Variants in FOXP2 observed in about 807,000 individuals in gnomAD.
FOXP2 encodes forkhead box protein P2.
A neutral mutation model predicts 115.8 loss-of-function variants in FOXP2; 12 were observed. The observed-to-expected ratio is 0.10, with a 90% CI of 0.07 to 0.17. FOXP2 has a LOEUF of 0.17. FOXP2 is among the 10% of genes least tolerant of loss of function. FOXP2 has a pLI of 1.00. For missense variants in FOXP2, 629 were observed against 843.5 expected (o/e 0.75, Z 3.15); for synonymous variants, 328 against 297.7 (o/e 1.10, Z -1.05).
intron 2 of FOXP2, among the ~76,000 whole-genome samples, chr7:114,322,606 C>A (rs1014136425): frequency 2.0e-5 from 3 of 151,856 alleles, no homozygotes; most frequent in Admixed American, 6.6e-5. Flanking sequence ...TTCAATTTTG[C>A]AGACAAGGAA....
intron 3 of FOXP2, among the ~76,000 whole-genome samples, chr7:114,573,371 T>G (rs1801414988): frequency 6.6e-6 from 1 of 151,808 alleles, no homozygotes; most frequent in Non-Finnish European, 1.5e-5. Context: ...GTGATGGACA[T>G]GGTTCTGTTT....
intron 2 of FOXP2, among the ~76,000 whole-genome samples, chr7:114,456,358 GA>G (rs1347745319): frequency 1.3e-5 from 2 of 152,184 alleles, no homozygotes; most frequent in Non-Finnish European, 2.9e-5. Context: ...AAAACACTGA[GA>G]AAACCATGGT....
chr7:114,251,105 G>T lies in FOXP2; in HGVS notation c.-101-36914G>T, dbSNP rs553562987. Among the ~76,000 whole-genome samples the T allele has an allele frequency of 1.4e-3, 207 of 152,242 alleles. 1 individual carries two copies. Among genetic ancestry groups the T allele is most frequent in the African/African-American group, 4.7e-3 (197 of 41,524 alleles). On this transcript the variant is annotated intron_variant, in intron 1 of 17. Transcript: ENST00000634411. ...CAGATTTGTCAAAGATCAGTTGGTT[G>T]TAGATGTGTGGTATTATTTCTGAGG... is the stretch of plus-strand genomic sequence containing the variant.
chr7:114,293,904 C>A (rs193110364), intron 2 of FOXP2, among the ~76,000 whole-genome samples: 6 of 152,064 alleles, frequency 3.9e-5, no homozygotes, highest in Non-Finnish European at 7.4e-5. Context: ...TGGTTTTGTT[C>A]TAAACTGCTA....
intron 2 of FOXP2, among the ~76,000 whole-genome samples, chr7:114,462,366 CTT>C (rs1170387045): frequency 6.7e-4 from 60 of 89,280 alleles, no homozygotes; most frequent in South Asian, 9.9e-4. Context: ...AGCATAATAT[CTT>C]TTTTTTTTTT....
intron 1 of FOXP2, among the ~76,000 whole-genome samples, chr7:114,153,552 G>A (rs1792578931): frequency 6.6e-6 from 1 of 152,062 alleles, no homozygotes; most frequent in Non-Finnish European, 1.5e-5. Context: ...TCTAGCATTG[G>A]GGGGAATTAA....
upstream of FOXP2, among the ~76,000 whole-genome samples, chr7:114,410,546 T>G (rs1193917174): frequency 2.0e-5 from 3 of 152,156 alleles, no homozygotes; most frequent in East Asian, 1.9e-4. Flanking sequence ...ATAATATGCC[T>G]GGATGTAGTA....
At chr7:114,143,888 A>G (rs571662799) in intron 1 of FOXP2, among the ~76,000 whole-genome samples, 1 of 152,212 alleles carries the variant, frequency 6.6e-6, no homozygotes, top group African/African-American at 2.4e-5. Flanking sequence ...GTTCTACTTA[A>G]TAATTTTCAA....
chr7:114,487,832 C>T (rs932913134), intron 2 of FOXP2, among the ~76,000 whole-genome samples: 1 of 152,166 alleles, frequency 6.6e-6, no homozygotes, highest in Admixed American at 6.5e-5. Flanking sequence ...GCATATTGGT[C>T]AAAGCCGTTC....
At chr7:114,384,127 G>A (rs1447977785) in intron 2 of FOXP2, among the ~76,000 whole-genome samples, 1 of 151,982 alleles carries the variant, frequency 6.6e-6, no homozygotes, top group Middle Eastern at 3.2e-3. Context: ...GCTCGCCGAT[G>A]TAGCAGTCCT....
At chr7:114,455,029 A>G (rs1795245965) in intron 2 of FOXP2, among the ~76,000 whole-genome samples, 1 of 151,818 alleles carries the variant, frequency 6.6e-6, no homozygotes, top group Non-Finnish European at 1.5e-5. Context: ...TAAAAAAAAA[A>G]GAAAAAAAAA....
chr7:114,428,169 G>T (rs1262953346), intron 2 of FOXP2, among the ~76,000 whole-genome samples: 2 of 151,544 alleles, frequency 1.3e-5, no homozygotes, highest in Admixed American at 6.6e-5. Context: ...AAATCCAGTG[G>T]ATTGCGTTTA....
chr7:114,691,871 G>T lies in FOXP2; in HGVS notation c.*1945G>T. The T allele has an allele frequency of 1.1e-5, 5 of 452,164 alleles. No individual in the cohort carries two copies. The highest frequency in any genetic ancestry group is 7.8e-5 in the South Asian group (5 of 64,286). The allele number at this position is 452,164 out of a possible 1,614,324, so 28.0% of individuals were successfully genotyped here. A position where few individuals can be genotyped will look rare whatever the true frequency, so the allele number is the denominator to read the frequency against. On this transcript the variant is annotated 3_prime_UTR_variant, in exon 17 of 17. Transcript: ENST00000350908. Reference sequence around the variant, plus strand: ...ATCACACCAAATAAAAGGACATAACGGCTTTCAAAAGGGTTTTCCCACTTA... The same window carrying T: ...ATCACACCAAATAAAAGGACATAACTGCTTTCAAAAGGGTTTTCCCACTTA...
chr7:114,426,439 AT>A, intron 1 of FOXP2, 62 bp from the exon 2 acceptor site: 1 of 1,496,834 alleles, frequency 6.7e-7, no homozygotes, highest in Admixed American at 1.7e-5. Context: ...AGAGAGGGAC[AT>A]CTTGATAATG....
At chr7:114,391,263 C>T (rs1176676377) in intron 2 of FOXP2, among the ~76,000 whole-genome samples, 3 of 152,136 alleles carry the variant, frequency 2.0e-5, no homozygotes, top group Non-Finnish European at 4.4e-5. Flanking sequence ...TTCCATTTGG[C>T]GACATGCCCC....
chr7:114,442,753 T>C (rs76282219), intron 2 of FOXP2, among the ~76,000 whole-genome samples: 181 of 152,262 alleles, frequency 1.2e-3, no homozygotes, highest in African/African-American at 3.8e-3. Flanking sequence ...TCAGCAGCCA[T>C]GTCCAGCCAA....
At chr7:114,659,973 C>G (rs1435635731) in intron 13 of FOXP2, among the ~76,000 whole-genome samples, 1 of 152,158 alleles carries the variant, frequency 6.6e-6, no homozygotes, top group Non-Finnish European at 1.5e-5. Context: ...CACGATATTA[C>G]TTTTTCTCTT....
chr7:114,236,963 G>T (rs1398161253), intron 1 of FOXP2, among the ~76,000 whole-genome samples: 1 of 152,094 alleles, frequency 6.6e-6, no homozygotes, highest in Non-Finnish European at 1.5e-5. Context: ...GTGATAGAAA[G>T]ACCCTGTCTC....
chr7:114,211,304 A>G lies in FOXP2; in HGVS notation c.-102+48216A>G, dbSNP rs533796790. On this transcript the variant is annotated intron_variant, in intron 1 of 17. Transcript: ENST00000634411. ...TGAGCAGCTACCCTGCTGAGAATCC[A>G]CACAGCTCTGTGTATCAGACCCAAG... Among the ~76,000 whole-genome samples the G allele has an allele frequency of 6.6e-5, 10 of 152,288 alleles. No individual in the cohort carries two copies. In the South Asian group the frequency reaches 2.1e-3, roughly 32 times the overall value.
Sources: gnomAD v4.1 joint callset for allele counts (sites outside exome capture counted in the v4.1 genomes callset) on GRCh38, gnomAD v4.1.1 for gene constraint, MANE v1.5 for transcripts, NCBI Gene and HGNC (gene_info 2026-07-23, HGNC 2026-07-21) for gene names.